ZFYVE9: variants seen among roughly 807,000 people sequenced by gnomAD.
ZFYVE9 encodes the protein zinc finger FYVE domain-containing protein 9.
Under a neutral mutation model 126.7 loss-of-function variants are expected in ZFYVE9, and 43 were observed. The ratio of observed to expected loss-of-function variants is 0.34; its 90% CI spans 0.27 to 0.44. The LOEUF is 0.44. ZFYVE9 is among the 20% of genes least tolerant of loss of function. The pLI is 1.00. For synonymous variants in ZFYVE9, 521 were observed against 597.4 expected (o/e 0.87, Z 1.87); for missense variants, 1,476 against 1,697.0 (o/e 0.87, Z 2.29).
At chr1:52,193,589 C>G (rs1300498219) in intron 1 of ZFYVE9, among the ~76,000 whole-genome samples, 1 of 150,748 alleles carries the variant, frequency 6.6e-6, no homozygotes, top group East Asian at 2.0e-4. Flanking sequence ...CGCCTGTAAT[C>G]CTAGCCACTC....
At chr1:52,292,248 A>C (rs1645928259) in intron 10 of ZFYVE9, among the ~76,000 whole-genome samples, 1 of 144,854 alleles carries the variant, frequency 6.9e-6, no homozygotes, top group Non-Finnish European at 1.5e-5. Flanking sequence ...ACACCACTGC[A>C]CTCCAGCCTG....
intron 13 of ZFYVE9, among the ~76,000 whole-genome samples, chr1:52,324,326 C>G (rs1646271026): frequency 6.6e-6 from 1 of 152,146 alleles, no homozygotes; most frequent in South Asian, 2.1e-4. Flanking sequence ...TCATAGTTGT[C>G]AATATGTAGA....
intron 1 of ZFYVE9, among the ~76,000 whole-genome samples, chr1:52,168,506 T>C (rs926384398): frequency 6.6e-6 from 1 of 151,126 alleles, no homozygotes; most frequent in Non-Finnish European, 1.5e-5. Flanking sequence ...CGTGAGCCAC[T>C]GTGCTTGGCC....
rs1338655313 is a variant in ZFYVE9, at chr1:52,334,706, T to G, written c.3608T>G (p.Phe1203Cys). 1 of 1,613,898 alleles carries G rather than the reference T, an allele frequency of 6.2e-7. No individual in the cohort carries two copies. Among genetic ancestry groups the G allele is most frequent in the South Asian group, 1.1e-5 (1 of 91,072 alleles). Residue 1203 changes from phenylalanine to cysteine, a missense_variant, in exon 15 of 19, where the codon TTT (phenylalanine) becomes TGT (cysteine). Around this residue, in one of 2 missense-constraint regions of ZFYVE9, gnomAD observed 669 missense variants for 902.4 expected, o/e 0.74. Coordinates refer to ENST00000287727, the MANE Select transcript of ZFYVE9 (RefSeq NM_004799.4). Reference protein sequence around the residue: ...QPRKVTGASFFVFSGALKSSS... With the variant: ...QPRKVTGASFCVFSGALKSSS... ...GTTTTAGTGACTGGTGCCAGTTTCT[T>G]TGTGTTCAGTGGCGCTCTGAAATCC...
intron 10 of ZFYVE9, among the ~76,000 whole-genome samples, chr1:52,289,826 G>A (rs1006869065): frequency 6.6e-6 from 1 of 152,208 alleles, no homozygotes; most frequent in Admixed American, 6.5e-5. Flanking sequence ...ATTTTATAAT[G>A]AGAGTGGACT....
chr1:52,336,358 G>GTTTTT (rs1434315724), intron 15 of ZFYVE9, among the ~76,000 whole-genome samples: 1 of 134,866 alleles, frequency 7.4e-6, no homozygotes, highest in Non-Finnish European at 1.6e-5. Flanking sequence ...AAATCTAAGA[G>GTTTTT]GTTTTTTTTG....
intron 2 of ZFYVE9, among the ~76,000 whole-genome samples, chr1:52,220,684 A>G (rs1557464173): frequency 6.6e-6 from 1 of 152,130 alleles, no homozygotes; most frequent in Non-Finnish European, 1.5e-5. Flanking sequence ...AGCTGTGACA[A>G]TATTTCCCTC....
rs907745218 is a variant in ZFYVE9, at chr1:52,145,168, T to C, written c.-143+2765T>C. 2.6e-5 allele frequency among the ~76,000 whole-genome samples: 4 copies of C among 152,254 alleles called. No homozygotes were observed. In the South Asian group the frequency reaches 8.3e-4, roughly 31 times the overall value. On this transcript the variant is annotated intron_variant, in intron 1 of 18. Coordinates refer to ENST00000287727, the MANE Select transcript of ZFYVE9 (RefSeq NM_004799.4). ...AATACTTTTTATGTATGATTATTCC[T>C]TTCTCTTCCAATTCCTGATTCAGTG... is the stretch of plus-strand genomic sequence containing the variant.
At chr1:52,323,800 A>C (rs567183182) in intron 13 of ZFYVE9, among the ~76,000 whole-genome samples, 1 of 151,528 alleles carries the variant, frequency 6.6e-6, no homozygotes, top group African/African-American at 2.4e-5. Flanking sequence ...CTATAATCCC[A>C]GCTATTCGGG....
chr1:52,218,495 C>T (rs1382138590), intron 2 of ZFYVE9, among the ~76,000 whole-genome samples: 1 of 152,180 alleles, frequency 6.6e-6, no homozygotes, highest in Non-Finnish European at 1.5e-5. Context: ...GTGAGTGGCA[C>T]ATGACATGTT....
chr1:52,317,163 T>C (rs1212676161), intron 13 of ZFYVE9, among the ~76,000 whole-genome samples: 1 of 151,966 alleles, frequency 6.6e-6, no homozygotes, highest in Admixed American at 6.6e-5. Flanking sequence ...ACATGAGATA[T>C]AAAAATTGGG....
Position 52,182,721 on chromosome 1 carries a change from G to A in ZFYVE9, c.-142-33648G>A, listed in dbSNP as rs573295010. ...CTGTGACCCAGCCAAATCCCCCTCT[G>A]CGAGAAACACCCAAGAATGATCAAT... On this transcript the variant is annotated intron_variant, in intron 1 of 18. Coordinates refer to ENST00000287727, the MANE Select transcript of ZFYVE9 (RefSeq NM_004799.4). Among the ~76,000 whole-genome samples the A allele has an allele frequency of 7.3e-5, 11 of 151,064 alleles. No individual in the cohort carries two copies. The South Asian group carries it at 1.9e-3, about 26-fold the overall frequency.
At chr1:52,239,776 A>C (rs1232724485) in intron 4 of ZFYVE9, among the ~76,000 whole-genome samples, 181 bp downstream of exon 4, 1 of 152,164 alleles carries the variant, frequency 6.6e-6, no homozygotes, top group African/African-American at 2.4e-5. Flanking sequence ...CTTAGATAGT[A>C]TTTGTAATTT....
At chr1:52,240,875 C>G (rs1047397077) in intron 4 of ZFYVE9, among the ~76,000 whole-genome samples, 1 of 152,068 alleles carries the variant, frequency 6.6e-6, no homozygotes, top group Non-Finnish European at 1.5e-5. Context: ...ATTATCTAAT[C>G]AATCATGATT....
intron 3 of ZFYVE9, among the ~76,000 whole-genome samples, chr1:52,234,917 C>T (rs1321674176): frequency 6.6e-6 from 1 of 152,140 alleles, no homozygotes; most frequent in Non-Finnish European, 1.5e-5. Context: ...ATGTATTACA[C>T]CTAATCATGT....
intron 8 of ZFYVE9, among the ~76,000 whole-genome samples, chr1:52,276,604 T>G (rs537882373): frequency 7.5e-4 from 115 of 152,336 alleles, no homozygotes; most frequent in Non-Finnish European, 1.0e-3. Context: ...AAAGTAGGCA[T>G]GTAATTAATA....
At chr1:52,145,891 A>G (rs1294718844) in intron 1 of ZFYVE9, among the ~76,000 whole-genome samples, 1 of 151,994 alleles carries the variant, frequency 6.6e-6, no homozygotes, top group African/African-American at 2.4e-5. Context: ...ACTTGTTGCA[A>G]ATTATTTATT....
chr1:52,160,647 C>T, intron 1 of ZFYVE9: 1 of 628,608 alleles, frequency 1.6e-6, no homozygotes, highest in South Asian at 2.1e-5. Context: ...ATCTCCTGAC[C>T]TCGTGATCCG....
chr1:52,239,792 G>A (rs943627364), intron 4 of ZFYVE9, among the ~76,000 whole-genome samples, 197 bp downstream of exon 4: 4 of 152,018 alleles, frequency 2.6e-5, no homozygotes, highest in Admixed American at 2.6e-4. Context: ...AATTTTTTTT[G>A]TTGCCACGAT....
Sources: allele counts gnomAD v4.1 joint callset (sites outside exome capture counted in the v4.1 genomes callset), GRCh38; gene constraint gnomAD v4.1.1; regional missense constraint gnomAD v4.1.1; transcripts MANE v1.5; gene names NCBI Gene and HGNC (gene_info 2026-07-23, HGNC 2026-07-21).